Variants in YES1 observed in about 807,000 individuals in gnomAD.
The protein encoded by YES1 is YES proto-oncogene 1, Src family tyrosine kinase.
In YES1, 39 loss-of-function variants were observed where a neutral mutation model predicts 70.4. The ratio of observed to expected loss-of-function variants is 0.55; its 90% CI spans 0.43 to 0.72. The LOEUF (loss-of-function observed/expected upper bound fraction) is 0.72, where lower values mean the gene tolerates loss of function less well. Ranked by LOEUF, YES1 falls within the 30% of genes least tolerant of loss-of-function variation. The pLI is 0.00. For synonymous variants in YES1, 198 were observed against 218.6 expected, an observed-to-expected ratio of 0.91 and a Z score of 0.83; for missense variants, 495 against 644.8, an observed-to-expected ratio of 0.77 and a Z score of 2.52.
At chr18:742,833 A>G (rs1488493125) in intron 8 of YES1, 85 bp downstream of exon 8, 18 of 1,095,732 alleles carry the variant, frequency 1.6e-5, no homozygotes, top group African/African-American at 3.3e-5. Flanking sequence ...CTTAAATTAG[A>G]AAACAGTATA....
At chr18:784,088 G>A (rs1380018837) in intron 1 of YES1, among the ~76,000 whole-genome samples, 3 of 152,112 alleles carry the variant, frequency 2.0e-5, no homozygotes, top group Non-Finnish European at 4.4e-5. Flanking sequence ...CACACATGTT[G>A]TCATACATAT....
intron 1 of YES1, among the ~76,000 whole-genome samples, chr18:800,123 T>C (rs1787839863): frequency 6.6e-6 from 1 of 152,228 alleles, no homozygotes; most frequent in Non-Finnish European, 1.5e-5. Flanking sequence ...TGATACTAGT[T>C]TAGCACAAGT....
intron 1 of YES1, among the ~76,000 whole-genome samples, chr18:764,119 CAAAAA>C (rs138074397): frequency 7.1e-6 from 1 of 140,540 alleles, no homozygotes; most frequent in Admixed American, 7.0e-5. Flanking sequence ...GACTCCCTCT[CAAAAA>C]AAAAAAAAAA....
intron 1 of YES1, among the ~76,000 whole-genome samples, chr18:769,406 T>C (rs1208518053): frequency 6.6e-6 from 1 of 151,204 alleles, no homozygotes; most frequent in African/African-American, 2.4e-5. Flanking sequence ...CTCTCCTACA[T>C]ACGTCTTTTT....
chr18:805,351 C>A (rs757753816), intron 1 of YES1, among the ~76,000 whole-genome samples: 6 of 152,026 alleles, frequency 3.9e-5, no homozygotes, highest in Non-Finnish European at 8.8e-5. Context: ...AGTAATTACA[C>A]AGTATAAAAA....
chr18:748,374 T>A (rs2080304824), intron 3 of YES1, among the ~76,000 whole-genome samples: 1 of 151,094 alleles, frequency 6.6e-6, no homozygotes, highest in African/African-American at 2.4e-5. Context: ...TTTTTTTTTT[T>A]AAAGCTTTAA....
intron 4 of YES1, among the ~76,000 whole-genome samples, chr18:746,506 T>C (rs956881585): frequency 7.2e-5 from 11 of 152,294 alleles, no homozygotes; most frequent in African/African-American, 2.6e-4. Context: ...AATAAGGTTT[T>C]GTGAATAAAA....
chr18:782,201 T>C lies in YES1; in HGVS notation c.-8-25366A>G, dbSNP rs182010140. 1.1e-4 allele frequency among the ~76,000 whole-genome samples: 17 copies of C among 152,366 alleles called. No individual in the cohort carries two copies. In the East Asian group the frequency reaches 3.1e-3, roughly 28 times the overall value. On this transcript the variant is annotated intron_variant, in intron 1 of 11. Transcript: ENST00000314574. ...TTTGCTACTATGCTCATGTGCTTCATTCTTCTCTCCTGTGGCACAATGGCC... is the reference window on the plus strand; with the variant it reads ...TTTGCTACTATGCTCATGTGCTTCACTCTTCTCTCCTGTGGCACAATGGCC...
At chr18:730,885 G>C (rs1342243536) in intron 11 of YES1, among the ~76,000 whole-genome samples, 1 of 152,196 alleles carries the variant, frequency 6.6e-6, no homozygotes, top group Non-Finnish European at 1.5e-5. Context: ...TGCAAGTGTG[G>C]TGTAGGCAGA....
At chr18:781,404 C>T (rs533672533) in intron 1 of YES1, among the ~76,000 whole-genome samples, 2 of 152,184 alleles carry the variant, frequency 1.3e-5, no homozygotes, top group South Asian at 2.1e-4. Flanking sequence ...TCTTTCCTTA[C>T]GCTTGGCTTG....
chr18:734,280 C>T (rs935513888), intron 10 of YES1, among the ~76,000 whole-genome samples: 1 of 150,420 alleles, frequency 6.6e-6, no homozygotes. Flanking sequence ...CTTGGCCAGG[C>T]GCGGTGGCTC....
At chr18:781,187 T>C (rs907768276) in intron 1 of YES1, among the ~76,000 whole-genome samples, 2 of 149,924 alleles carry the variant, frequency 1.3e-5, no homozygotes, top group African/African-American at 5.0e-5. Flanking sequence ...AAGAATTGCT[T>C]GAACCTGGGA....
intron 2 of YES1, among the ~76,000 whole-genome samples, chr18:752,307 A>T (rs2080353299): frequency 6.6e-6 from 1 of 152,104 alleles, no homozygotes; most frequent in Non-Finnish European, 1.5e-5. Context: ...ACAGGGTTTC[A>T]CTGGGTTAGC....
chr18:780,606 T>C (rs554656721), intron 1 of YES1, among the ~76,000 whole-genome samples: 1 of 152,256 alleles, frequency 6.6e-6, no homozygotes, highest in East Asian at 1.9e-4. Context: ...AATTAGCCAG[T>C]TTCAAGTATT....
rs540467471 is a variant in YES1, at chr18:752,390, G to A, written c.272-586C>T. On this transcript the variant is annotated intron_variant, in intron 2 of 11. Transcript: ENST00000314574. ...CTCCCAAAGTGCTGGGATTACAGAC[G>A]TGAGCCACTGTGCCCAGCCAACAAA... Among the ~76,000 whole-genome samples the A allele has an allele frequency of 1.2e-4, 18 of 152,236 alleles. 1 individual carries two copies. The highest frequency in any genetic ancestry group is 1.0e-3 in the South Asian group (5 of 4,826).
At chr18:787,526 A>G (rs1316425101) in intron 1 of YES1, among the ~76,000 whole-genome samples, 1 of 152,036 alleles carries the variant, frequency 6.6e-6, no homozygotes, top group Non-Finnish European at 1.5e-5. Flanking sequence ...CCTGGCCAAC[A>G]TGGCGAAATC....
At chr18:787,868 G>A (rs1299259743) in intron 1 of YES1, 2 of 152,046 alleles carry the variant, frequency 1.3e-5, no homozygotes, top group East Asian at 1.9e-4. Context: ...TCCATAGATC[G>A]ACATATATCA....
chr18:812,289 G>A (rs1385367712), upstream of YES1: 2 of 150,310 alleles, frequency 1.3e-5, no homozygotes, highest in African/African-American at 2.4e-5. Context: ...GGGAGTTCCC[G>A]GGCTCCCCAC....
intron 1 of YES1, among the ~76,000 whole-genome samples, chr18:789,003 A>G (rs1906105210): frequency 6.6e-6 from 1 of 152,172 alleles, no homozygotes; most frequent in East Asian, 1.9e-4. Flanking sequence ...TTATATAAAG[A>G]TTTATCATAT....
Sources: allele counts gnomAD v4.1 joint callset (sites outside exome capture counted in the v4.1 genomes callset), GRCh38; gene constraint gnomAD v4.1.1; transcripts MANE v1.5; gene names NCBI Gene and HGNC (gene_info 2026-07-23, HGNC 2026-07-21).